Variants in RINT1 observed in about 807,000 individuals in gnomAD.
RINT1 encodes RAD50-interacting protein 1.
A neutral mutation model predicts 97.7 loss-of-function variants in RINT1; 75 were observed. The observed-to-expected ratio is 0.77, with a 90% CI of 0.64 to 0.93. RINT1 has a LOEUF of 0.93. Ranked by LOEUF, RINT1 falls within the 40% of genes least tolerant of loss-of-function variation. The probability of loss-of-function intolerance (pLI) is 0.00; values close to 1 mark genes in which losing one functional copy is unlikely to be tolerated. For missense variants in RINT1, 892 were observed against 925.2 expected (o/e 0.96, Z 0.47); for synonymous variants, 303 against 326.3 (o/e 0.93, Z 0.77).
At chr7:105,561,392 G>A (rs992512489) in intron 11 of RINT1, among the ~76,000 whole-genome samples, 4 of 151,914 alleles carry the variant, frequency 2.6e-5, no homozygotes, top group Admixed American at 6.6e-5. Context: ...GCCAGGTATG[G>A]TGGTGCTCGC....
At chr7:105,544,931 A>G (rs141444817) in intron 4 of RINT1, among the ~76,000 whole-genome samples, 1 of 149,782 alleles carries the variant, frequency 6.7e-6, no homozygotes, top group Non-Finnish European at 1.5e-5. Context: ...GATTTTCTTC[A>G]TCTCTAAATT....
intron 14 of RINT1, chr7:105,566,887 G>T (rs894564592): frequency 6.7e-6 from 2 of 296,458 alleles, no homozygotes; most frequent in Non-Finnish European, 1.2e-5. Context: ...GGGAAATAAC[G>T]GATACATATT....
chr7:105,560,963 C>T (rs866394092), intron 11 of RINT1, among the ~76,000 whole-genome samples: 7 of 151,886 alleles, frequency 4.6e-5, no homozygotes, highest in South Asian at 2.1e-4. Context: ...TCAAGTGATC[C>T]GCCGCCCCGG....
rs76505100 is a variant in RINT1 at position 105,542,190 on chromosome 7, C to T, written c.274-218C>T. ...TTTAAAGAAAAAAAAAAAAGAAAAGCCAGGTGTAGTGGTGCATATGTGTAG... is the reference window on the plus strand; with the variant it reads ...TTTAAAGAAAAAAAAAAAAGAAAAGTCAGGTGTAGTGGTGCATATGTGTAG... On this transcript the variant is annotated intron_variant, in intron 3 of 14. Transcript: ENST00000257700. 1,932 of 387,746 alleles carry T rather than the reference C, an allele frequency of 5.0e-3. 28 individuals are homozygous for T. The highest frequency in any genetic ancestry group is 0.035 in the African/African-American group (1,671 of 47,786). 24.0% of individuals were successfully genotyped at this position (387,746 alleles called of 1,614,324 possible).
chr7:105,549,698 T>C (rs1309570177), intron 7 of RINT1, among the ~76,000 whole-genome samples: 4 of 152,110 alleles, frequency 2.6e-5, no homozygotes, highest in Non-Finnish European at 5.9e-5. Flanking sequence ...CATAAGAAAA[T>C]AATATTAAAA....
In RINT1 at chr7:105,565,626, A is replaced by G. The variant is rs1334352067; in HGVS notation, c.2164A>G (p.Arg722Gly). 4 of 1,608,084 alleles carry G rather than the reference A, an allele frequency of 2.5e-6. No individual in the cohort carries two copies. The highest frequency in any genetic ancestry group is 3.4e-6 in the Non-Finnish European group (4 of 1,175,456). ...CCCTTTGTTTTCTCACTATTGCAAG[A>G]GACCAGAAAATTATTTTAAACAGTA... is the stretch of plus-strand genomic sequence containing the variant. ...LFPLFSHYCK[R>G]PENYFKHIKE... The change falls in exon 14 of 15, where the codon AGA becomes GGA. Residue 722 changes from arginine (R) to glycine (G), a missense_variant. Coordinates refer to ENST00000257700, the MANE Select transcript of RINT1 (RefSeq NM_021930.6).
intron 3 of RINT1, among the ~76,000 whole-genome samples, chr7:105,540,898 C>T (rs769260848): frequency 2.2e-5 from 3 of 139,368 alleles, no homozygotes; most frequent in East Asian, 4.2e-4. Context: ...ATGGCAGTGG[C>T]GCAGTCTCGG....
intron 9 of RINT1, among the ~76,000 whole-genome samples, chr7:105,551,098 G>A (rs1044651519): frequency 6.6e-6 from 1 of 152,108 alleles, no homozygotes; most frequent in African/African-American, 2.4e-5. Flanking sequence ...GGCCGATCAT[G>A]GCTTACTGCA....
chr7:105,535,694 G>A (rs966572755), intron 2 of RINT1: 3 of 383,172 alleles, frequency 7.8e-6, no homozygotes, highest in Admixed American at 6.3e-5. Context: ...GACTACAGGT[G>A]TGTTCCACCA....
At chr7:105,540,079 CTTTTTTT>C (rs769840794) in intron 3 of RINT1, among the ~76,000 whole-genome samples, 1 of 135,946 alleles carries the variant, frequency 7.4e-6, no homozygotes, top group East Asian at 2.1e-4. Flanking sequence ...ATGCCATTTT[CTTTTTTT>C]TTTTTTTTTT....
chr7:105,553,903 T>A (rs1359343253), intron 10 of RINT1, among the ~76,000 whole-genome samples: 5 of 122,742 alleles, frequency 4.1e-5, no homozygotes, highest in Admixed American at 8.0e-5. Context: ...TTTTTTTTTT[T>A]TTTTTTTTTT....
intron 3 of RINT1, among the ~76,000 whole-genome samples, chr7:105,538,139 C>T (rs78970870): frequency 6.6e-6 from 1 of 151,650 alleles, no homozygotes; most frequent in Non-Finnish European, 1.5e-5. Flanking sequence ...ACTACAGGCA[C>T]GCGACACCAC....
At chr7:105,560,727 GT>G (rs941643216) in intron 11 of RINT1, among the ~76,000 whole-genome samples, 15 of 147,846 alleles carry the variant, frequency 1.0e-4, no homozygotes, top group Non-Finnish European at 1.6e-4. Context: ...TTTTATTTTG[GT>G]TTTTTTTTTG....
At chr7:105,537,421 T>C (rs1167750861) in intron 3 of RINT1, among the ~76,000 whole-genome samples, 2 of 151,724 alleles carry the variant, frequency 1.3e-5, no homozygotes, top group African/African-American at 4.8e-5. Context: ...TGAGCTGCTA[T>C]ACCCGGCCAC....
In RINT1 at chr7:105,549,146, C is replaced by T. The variant is rs143898084; in HGVS notation, c.996+436C>T. On this transcript the variant is annotated intron_variant, in intron 7 of 14. Coordinates refer to ENST00000257700, the MANE Select transcript of RINT1 (RefSeq NM_021930.6). ...GGGACTACAGGCACATGTCACCACA[C>T]TGGACTAATTTTTGTAATTTTAGTA... is the stretch of plus-strand genomic sequence containing the variant. Among the ~76,000 whole-genome samples the T allele has an allele frequency of 4.6e-3, 699 of 151,866 alleles. 5 individuals are homozygous for T. Among genetic ancestry groups the T allele is most frequent in the African/African-American group, 0.016 (650 of 41,442 alleles).
In RINT1 at chr7:105,536,435, A is replaced by C. The variant is rs1790237911; in HGVS notation, c.89-130A>C. The C allele has an allele frequency of 7.0e-6, 4 of 571,018 alleles. No homozygotes were observed. In the South Asian group the frequency reaches 1.1e-4, roughly 16 times the overall value. 35.4% of individuals were successfully genotyped at this position (571,018 alleles called of 1,614,324 possible). ...CAGCCTCCCAAAGTGCTGGGATCAC[A>C]GGTGTGAGCCACCGTGCCTGGCAAA... On this transcript the variant is annotated intron_variant, in intron 2 of 14. Transcript: ENST00000257700.
Position 105,555,015 on chromosome 7 carries a change from A to T in RINT1, c.1472-13A>T, listed in dbSNP as rs1433419670. 2.5e-6 allele frequency: 4 copies of T among 1,609,902 alleles called. No homozygotes were observed. The highest frequency in any genetic ancestry group is 3.4e-6 in the Non-Finnish European group (4 of 1,177,714). On this transcript the variant is annotated splice_polypyrimidine_tract_variant and intron_variant, in intron 10 of 14. Coordinates refer to ENST00000257700, the MANE Select transcript of RINT1 (RefSeq NM_021930.6). ...ACCAAAACCTTCATATGTCTTAATA[A>T]CTTTTTCCACAGACAGGTATAAAAA...
At position 105,554,979 on chromosome 7, in the gene RINT1, T is replaced by C. The variant is rs756321860; in HGVS notation, c.1472-49T>C. The C allele has an allele frequency of 1.6e-5, 23 of 1,457,566 alleles. No individual in the cohort carries two copies. In the South Asian group the frequency reaches 2.6e-4, roughly 16 times the overall value. The allele number at this position is 1,457,566 out of a possible 1,614,324, so 90.3% of individuals were successfully genotyped here. On this transcript the variant is annotated intron_variant, in intron 10 of 14. Transcript: ENST00000257700. ...ACAGTAGGGAAAACTTATAACTATATCATAGATGGTACCAAAACCTTCATA... is the reference window on the plus strand; with the variant it reads ...ACAGTAGGGAAAACTTATAACTATACCATAGATGGTACCAAAACCTTCATA...
At chr7:105,535,673 A>G (rs1037411596) in intron 2 of RINT1, 5 of 426,758 alleles carry the variant, frequency 1.2e-5, no homozygotes, top group Non-Finnish European at 2.3e-5. Flanking sequence ...CTCCCACCTC[A>G]GCCCACCTGA....
Sources: allele counts gnomAD v4.1 joint callset (sites outside exome capture counted in the v4.1 genomes callset), GRCh38; gene constraint gnomAD v4.1.1; transcripts MANE v1.5; gene names NCBI Gene and HGNC (gene_info 2026-07-23, HGNC 2026-07-21).